Variants in NPAS2 observed in about 807,000 individuals in gnomAD.
NPAS2 encodes neuronal PAS domain-containing protein 2.
A neutral mutation model predicts 107.5 loss-of-function variants in NPAS2; 23 were observed. That is an observed-to-expected ratio of 0.21 (90% CI 0.15 to 0.30). The LOEUF (loss-of-function observed/expected upper bound fraction) is 0.30, where lower values mean the gene tolerates loss of function less well. Among genes scored for constraint, NPAS2 ranks in the 10% least tolerant of loss-of-function variants. NPAS2 has a pLI of 1.00. For synonymous variants in NPAS2, 403 were observed against 417.5 expected (o/e 0.97, Z 0.42); for missense variants, 756 against 1,043.3 (o/e 0.72, Z 3.79).
intron 17 of NPAS2, chr2:100,988,886 C>A: frequency 3.8e-6 from 1 of 264,152 alleles, no homozygotes; most frequent in South Asian, 3.5e-5. Flanking sequence ...TCCAGGCGCC[C>A]CCTGCCCCTC....
chr2:100,919,196 G>C (rs1225033833), intron 2 of NPAS2, among the ~76,000 whole-genome samples: 1 of 152,206 alleles, frequency 6.6e-6, no homozygotes, highest in African/African-American at 2.4e-5. Context: ...CATAGGGATG[G>C]AGAACAGAAC....
intron 16 of NPAS2, chr2:100,984,991 A>G (rs1192396083): frequency 2.0e-5 from 3 of 152,234 alleles, no homozygotes; most frequent in South Asian, 2.1e-4. Context: ...TGAAAGGCCC[A>G]TCGCCCCCTC....
At chr2:100,906,643 T>C (rs1682164918) in intron 2 of NPAS2, among the ~76,000 whole-genome samples, 1 of 152,094 alleles carries the variant, frequency 6.6e-6, no homozygotes, top group Non-Finnish European at 1.5e-5. Context: ...TAGGCTGGAG[T>C]GTAGTGGCGC....
chr2:100,952,873 A>G (rs1473544862), intron 7 of NPAS2, among the ~76,000 whole-genome samples: 1 of 150,538 alleles, frequency 6.6e-6, no homozygotes, highest in African/African-American at 2.4e-5. Flanking sequence ...TTTTTTGGAA[A>G]CTATTACTGC....
At chr2:100,957,902 T>C (rs1476926745) in intron 7 of NPAS2, among the ~76,000 whole-genome samples, 1 of 152,068 alleles carries the variant, frequency 6.6e-6, no homozygotes, top group East Asian at 1.9e-4. Context: ...CACTCCAGCC[T>C]GGGCGACAGA....
intron 1 of NPAS2, among the ~76,000 whole-genome samples, chr2:100,868,781 A>C (rs1679392728): frequency 6.6e-6 from 1 of 152,204 alleles, no homozygotes; most frequent in South Asian, 2.1e-4. Flanking sequence ...GGGGTTTTTA[A>C]GAAAAATTAA....
chr2:100,964,270 T>C (rs1408844034), intron 8 of NPAS2, 94 bp downstream of exon 8: 2 of 894,366 alleles, frequency 2.2e-6, no homozygotes, highest in Non-Finnish European at 3.7e-6. Flanking sequence ...AGGGAATAAA[T>C]TGCAGTGAAG....
In NPAS2 at chr2:100,820,183, A is replaced by G. The variant is rs1362610774; in HGVS notation, c.-254A>G. 1.3e-5 allele frequency: 2 copies of G among 149,900 alleles called. No homozygotes were observed. The highest frequency in any genetic ancestry group is 3.0e-5 in the Non-Finnish European group (2 of 66,960). 9.3% of individuals were successfully genotyped at this position (149,900 alleles called of 1,614,324 possible). ...GCGCGAGCAGCCGGCCTCTCGCAGG[A>G]GCCGAGGGACCCGCGCGGCTGCGGC... On this transcript the variant is annotated 5_prime_UTR_variant, in exon 1 of 21. Coordinates refer to ENST00000335681, the MANE Select transcript of NPAS2 (RefSeq NM_002518.4). This position sits in a 1 kb window ranked among gnomAD's most constrained non-coding sequence, Gnocchi z 5.6.
chr2:100,941,919 G>A (rs777688930), intron 5 of NPAS2, among the ~76,000 whole-genome samples: 13 of 152,234 alleles, frequency 8.5e-5, no homozygotes, highest in Non-Finnish European at 1.3e-4. Flanking sequence ...GAGCTGGATC[G>A]TGCTAAGCTC....
At chr2:100,827,166 T>A (rs1418701285) in intron 1 of NPAS2, among the ~76,000 whole-genome samples, 2 of 152,132 alleles carry the variant, frequency 1.3e-5, no homozygotes, top group Non-Finnish European at 2.9e-5. Flanking sequence ...GTGATATGTT[T>A]CCAAGAAAAC....
intron 10 of NPAS2, among the ~76,000 whole-genome samples, chr2:100,966,747 C>T (rs529553545): frequency 5.9e-5 from 9 of 152,148 alleles, no homozygotes; most frequent in African/African-American, 2.2e-4. Flanking sequence ...GCGTGTGTGC[C>T]ACCACGCCCA....
chr2:100,858,448 C>T (rs1573481423), intron 1 of NPAS2, among the ~76,000 whole-genome samples: 1 of 152,160 alleles, frequency 6.6e-6, no homozygotes, highest in Admixed American at 6.5e-5. Context: ...TTAATTTCCT[C>T]GCTGAGCAGA....
chr2:100,983,938 A>G (rs1387705038), intron 16 of NPAS2: 2 of 152,234 alleles, frequency 1.3e-5, no homozygotes, highest in Non-Finnish European at 2.9e-5. Context: ...GCGTATGAAC[A>G]TCCCCCTCAG....
intron 5 of NPAS2, among the ~76,000 whole-genome samples, chr2:100,938,940 G>A (rs1353476108): frequency 6.6e-6 from 1 of 152,188 alleles, no homozygotes; most frequent in Non-Finnish European, 1.5e-5. Context: ...TTTATGTGAT[G>A]AAAAGAGGAA....
chr2:100,856,148 A>G (rs1347923231), intron 1 of NPAS2, among the ~76,000 whole-genome samples: 1 of 152,204 alleles, frequency 6.6e-6, no homozygotes. Flanking sequence ...GAACAGAAAA[A>G]TGGATCCAGC....
In NPAS2 at chr2:100,995,547, T is replaced by C. The variant is rs760230086; in HGVS notation, c.2440T>C (p.Ser814Pro). ...TCCTCCCCGAAGGGTCAGCAGTCTG[T>C]CTGAGTCGTCAGGCCTCCAGCAGCC... ...LRPPRRVSSL[S>P]ESSGLQQPPR Residue 814 changes from serine to proline, a missense_variant, in exon 21 of 21, where the codon TCT becomes CCT. By Grantham distance (74) the Ser-to-Pro change is moderately conservative. This residue lies in a region of NPAS2 where 496 missense variants were observed against 594.4 expected (regional missense o/e 0.83). Transcript: ENST00000335681. The C allele has an allele frequency of 6.2e-7, 1 of 1,610,574 alleles. No homozygotes were observed. The highest frequency in any genetic ancestry group is 8.5e-7 in the Non-Finnish European group (1 of 1,178,268).
chr2:100,873,807 C>T (rs376319916), intron 1 of NPAS2, among the ~76,000 whole-genome samples: 1 of 152,222 alleles, frequency 6.6e-6, no homozygotes, highest in Non-Finnish European at 1.5e-5. Flanking sequence ...AAATCCCAAC[C>T]GCTATCATAC....
Position 100,951,342 on chromosome 2 carries a change from G to A in NPAS2, c.598+1862G>A, listed in dbSNP as rs146686002. Reference sequence around the variant, plus strand: ...AGCAATTCTACTTATGGGTATGCACGCAAAAGAAGGGAAGACAGGAACTTG... The same window carrying A: ...AGCAATTCTACTTATGGGTATGCACACAAAAGAAGGGAAGACAGGAACTTG... On this transcript the variant is annotated intron_variant, in intron 7 of 20. Coordinates refer to ENST00000335681, the MANE Select transcript of NPAS2 (RefSeq NM_002518.4). 2.3e-4 allele frequency among the ~76,000 whole-genome samples: 35 copies of A among 152,274 alleles called. No homozygotes were observed. In the East Asian group the frequency reaches 6.0e-3, roughly 26 times the overall value.
chr2:100,982,152 G>T (rs1187110190), intron 15 of NPAS2, 79 bp from the exon 16 acceptor site: 3 of 1,536,526 alleles, frequency 2.0e-6, no homozygotes, highest in Non-Finnish European at 2.7e-6. Flanking sequence ...GAAGTGTACA[G>T]ACCGAGCAGC....
Sources: allele counts gnomAD v4.1 joint callset (sites outside exome capture counted in the v4.1 genomes callset), GRCh38; gene constraint gnomAD v4.1.1; regional missense constraint gnomAD v4.1.1; non-coding constraint Gnocchi (gnomAD v3.1); transcripts MANE v1.5; gene names NCBI Gene and HGNC (gene_info 2026-07-23, HGNC 2026-07-21).